The following EYS variants were observed in gnomAD, a reference collection of about 807,000 sequenced individuals.
EYS encodes the protein EGF-like photoreceptor maintenance factor.
Under a neutral mutation model 282.1 loss-of-function variants are expected in EYS, and 250 were observed. The ratio of observed to expected loss-of-function variants is 0.89; its 90% confidence interval spans 0.80 to 0.98. The LOEUF (loss-of-function observed/expected upper bound fraction) is 0.98. Ranked by LOEUF, EYS falls within the 50% of genes least tolerant of loss-of-function variation. The probability of loss-of-function intolerance (pLI) is 0.00; values close to 1 mark genes in which losing one functional copy is unlikely to be tolerated. For missense variants in EYS, 4,016 were observed against 3,709.0 expected (o/e 1.08, Z -2.15); for synonymous variants, 1,355 against 1,282.9 (o/e 1.06, Z -1.20).
intron 29 of EYS, among the ~76,000 whole-genome samples, chr6:64,313,075 A>G (rs1489543890): frequency 1.3e-5 from 2 of 152,250 alleles, no homozygotes; most frequent in Admixed American, 6.5e-5. Flanking sequence ...AGGTAATAAC[A>G]AACTCCTCTG....
At chr6:63,894,455 G>A (rs867322881) in intron 35 of EYS, among the ~76,000 whole-genome samples, 3 of 152,298 alleles carry the variant, frequency 2.0e-5, no homozygotes, top group Middle Eastern at 6.8e-3. Context: ...CAAGAAGCTG[G>A]AAGAGACGAG....
chr6:64,587,464 G>T (rs1355615113), intron 26 of EYS, among the ~76,000 whole-genome samples: 2 of 151,992 alleles, frequency 1.3e-5, no homozygotes, highest in African/African-American at 2.4e-5. Flanking sequence ...TAGAACATTA[G>T]ACTATGGCCT....
At position 64,937,633 on chromosome 6, in the gene EYS, C is replaced by G. The variant is rs1403224947; in HGVS notation, c.2381+8160G>C. 6.6e-5 allele frequency among the ~76,000 whole-genome samples: 10 copies of G among 151,456 alleles called. 1 individual carries two copies. The highest frequency in any genetic ancestry group is 6.6e-4 in the Admixed American group (10 of 15,160). The stretch of plus-strand genomic sequence containing the variant: ...GAAGGGTTAAAAAGACAAACATCAA[C>G]AAATATTGGCAAGATGTGGAGAAGT... On this transcript the variant is annotated intron_variant, in intron 15 of 42. Coordinates refer to ENST00000503581, the MANE Select transcript of EYS (RefSeq NM_001142800.2).
chr6:64,564,691 A>C (rs1765508285), intron 26 of EYS, among the ~76,000 whole-genome samples: 1 of 152,056 alleles, frequency 6.6e-6, no homozygotes, highest in South Asian at 2.1e-4. Context: ...ACAGGAACAG[A>C]AAACCAAACA....
At chr6:64,749,468 T>C (rs1024297384) in intron 22 of EYS, among the ~76,000 whole-genome samples, 1 of 152,166 alleles carries the variant, frequency 6.6e-6, no homozygotes, top group Non-Finnish European at 1.5e-5. Context: ...CAAGAAATGG[T>C]TAATTACTTA....
At chr6:64,022,180 T>G (rs1769223669) in intron 33 of EYS, among the ~76,000 whole-genome samples, 1 of 152,218 alleles carries the variant, frequency 6.6e-6, no homozygotes, top group African/African-American at 2.4e-5. Flanking sequence ...CATTCTCCAT[T>G]AAATTGAATA....
At chr6:64,864,691 G>T (rs556191602) in intron 19 of EYS, among the ~76,000 whole-genome samples, 162 of 151,450 alleles carry the variant, frequency 1.1e-3, no homozygotes, top group African/African-American at 3.8e-3. Context: ...GCCCAGAAGT[G>T]CTATGACTAA....
chr6:64,710,474 G>A (rs1442103732), intron 22 of EYS, among the ~76,000 whole-genome samples: 4 of 152,174 alleles, frequency 2.6e-5, no homozygotes, highest in Non-Finnish European at 5.9e-5. Flanking sequence ...AGCCAATAGG[G>A]ACCTCACAAG....
At chr6:63,737,648 G>T (rs922101107) in intron 41 of EYS, among the ~76,000 whole-genome samples, 1 of 152,164 alleles carries the variant, frequency 6.6e-6, no homozygotes, top group Non-Finnish European at 1.5e-5. Context: ...GATTGGAATA[G>T]TTTCAGAAGG....
At position 63,968,367 on chromosome 6, in the gene EYS, C is replaced by T. The variant is rs572190807; in HGVS notation, c.7055+16016G>A. On this transcript the variant is annotated intron_variant, in intron 35 of 42. Transcript: ENST00000503581. ...TCTTGGTTATGGGCTTATATGTCTGCATCTGAGAGACAACAAAAGAATCAC... is the reference window on the plus strand; with the variant it reads ...TCTTGGTTATGGGCTTATATGTCTGTATCTGAGAGACAACAAAAGAATCAC... Among the ~76,000 whole-genome samples the T allele has an allele frequency of 5.3e-5, 8 of 152,194 alleles. No individual in the cohort carries two copies. The South Asian group carries it at 1.7e-3, about 32-fold the overall frequency.
At chr6:64,131,158 G>T (rs1252977042) in intron 31 of EYS, among the ~76,000 whole-genome samples, 2 of 152,034 alleles carry the variant, frequency 1.3e-5, no homozygotes, top group Non-Finnish European at 1.5e-5. Flanking sequence ...TGAGCCACTG[G>T]ACCCGGTGTG....
At chr6:65,582,174 C>T (rs549926853) in intron 2 of EYS, among the ~76,000 whole-genome samples, 9 of 148,402 alleles carry the variant, frequency 6.1e-5, no homozygotes, top group Admixed American at 1.4e-4. Flanking sequence ...CCAGCCTGGT[C>T]GACAGAGTGA....
At chr6:64,670,446 TG>T (rs1015833917) in intron 22 of EYS, among the ~76,000 whole-genome samples, 3 of 131,584 alleles carry the variant, frequency 2.3e-5, no homozygotes, top group Non-Finnish European at 3.2e-5. Context: ...AATAAATAAA[TG>T]AAAAAAAAAC....
chr6:63,784,219 A>T (rs1770308539), intron 39 of EYS, among the ~76,000 whole-genome samples: 1 of 151,922 alleles, frequency 6.6e-6, no homozygotes, highest in Admixed American at 6.6e-5. Flanking sequence ...GGATTTTGGG[A>T]CTTCTCAGCT....
chr6:65,105,163 G>T (rs1007855884), intron 12 of EYS, among the ~76,000 whole-genome samples: 2 of 151,632 alleles, frequency 1.3e-5, no homozygotes, highest in African/African-American at 4.8e-5. Flanking sequence ...GAGTATGCAG[G>T]TTTGTATGAA....
chr6:64,780,470 C>A (rs993300159), intron 22 of EYS, among the ~76,000 whole-genome samples: 2 of 151,970 alleles, frequency 1.3e-5, no homozygotes, highest in Non-Finnish European at 2.9e-5. Flanking sequence ...CCAATGGGCA[C>A]ACATGGACTT....
At chr6:64,656,041 A>G (rs1159164483) in intron 22 of EYS, among the ~76,000 whole-genome samples, 1 of 152,036 alleles carries the variant, frequency 6.6e-6, no homozygotes, top group East Asian at 1.9e-4. Context: ...GTTTGCTTCT[A>G]TTTTCTCTAT....
intron 22 of EYS, among the ~76,000 whole-genome samples, chr6:64,694,878 C>A (rs1279747779): frequency 6.6e-6 from 1 of 152,032 alleles, no homozygotes; most frequent in Non-Finnish European, 1.5e-5. Flanking sequence ...TGTGACTTGG[C>A]TAACTGGTCA....
intron 12 of EYS, among the ~76,000 whole-genome samples, chr6:65,275,936 T>G (rs1768033763): frequency 6.6e-6 from 1 of 152,110 alleles, no homozygotes; most frequent in Admixed American, 6.6e-5. Context: ...ACTTACCAAA[T>G]ACCTTATCAC....
Sources: allele counts gnomAD v4.1 joint callset (sites outside exome capture counted in the v4.1 genomes callset), GRCh38; gene constraint gnomAD v4.1.1; transcripts MANE v1.5; gene names NCBI Gene and HGNC (gene_info 2026-07-23, HGNC 2026-07-21).